ZNF638: variants seen among roughly 807,000 people sequenced by gnomAD.
The protein encoded by ZNF638 is zinc finger protein 638.
In ZNF638, 46 loss-of-function variants were observed where a neutral mutation model predicts 195.6. That is an observed-to-expected ratio of 0.24 (90% CI 0.19 to 0.30). ZNF638 has a LOEUF of 0.30. ZNF638 is among the 10% of genes least tolerant of loss of function. The pLI, the probability that ZNF638 is intolerant of heterozygous loss-of-function variation, is 1.00. For missense variants in ZNF638, 2,440 were observed against 2,325.3 expected, an observed-to-expected ratio of 1.05 and a Z score of -1.01; for synonymous variants, 845 against 772.0, an observed-to-expected ratio of 1.09 and a Z score of -1.57.
intron 23 of ZNF638, among the ~76,000 whole-genome samples, chr2:71,425,680 T>C (rs1209251394): frequency 6.6e-6 from 1 of 152,134 alleles, no homozygotes; most frequent in Non-Finnish European, 1.5e-5. Flanking sequence ...ATTATTATTA[T>C]TATTTTGCAA....
chr2:71,389,616 A>G (rs1272205612), intron 10 of ZNF638, among the ~76,000 whole-genome samples: 1 of 152,164 alleles, frequency 6.6e-6, no homozygotes. Flanking sequence ...TCCAACAACA[A>G]TTAAGTTTTG....
chr2:71,408,670 G>A (rs949779017), intron 20 of ZNF638: 5 of 386,588 alleles, frequency 1.3e-5, no homozygotes, highest in African/African-American at 2.2e-5. Context: ...CAGGTTCTTG[G>A]CCTACACAGT....
chr2:71,379,451 T>C (rs1256847312), intron 8 of ZNF638: 4 of 152,240 alleles, frequency 2.6e-5, no homozygotes, highest in Admixed American at 2.6e-4. Flanking sequence ...TGCCCACTAG[T>C]CACTTAATAG....
rs1175889029 is a variant in ZNF638, at chr2:71,349,193, C to G, written c.239C>G (p.Pro80Arg). 9.9e-6 allele frequency: 16 copies of G among 1,614,120 alleles called. No individual in the cohort carries two copies. The highest frequency in any genetic ancestry group is 1.4e-5 in the Non-Finnish European group (16 of 1,180,034). Residue 80 changes from proline (P) to arginine (R), a missense_variant, in exon 2 of 28, where the codon CCA becomes CGA. By Grantham distance (103) the Pro-to-Arg change is moderately radical. Coordinates refer to ENST00000264447, the MANE Select transcript of ZNF638 (RefSeq NM_014497.5). ...CAGGTAACTCAACACAGAACTGATCCAAGATTGACCAAAGAAAAACTGGAT... is the reference window on the plus strand; with the variant it reads ...CAGGTAACTCAACACAGAACTGATCGAAGATTGACCAAAGAAAAACTGGAT... ...NVQVTQHRTD[P>R]RLTKEKLDFH...
chr2:71,359,748 T>A (rs2079078433), intron 3 of ZNF638, among the ~76,000 whole-genome samples: 1 of 152,234 alleles, frequency 6.6e-6, no homozygotes, highest in South Asian at 2.1e-4. Flanking sequence ...CATTCTTTAT[T>A]CTTTTAAGCT....
chr2:71,352,357 A>G (rs1018909416), intron 2 of ZNF638, among the ~76,000 whole-genome samples: 1 of 151,988 alleles, frequency 6.6e-6, no homozygotes, highest in Non-Finnish European at 1.5e-5. Context: ...GCGCACCTGT[A>G]ATTCCAGCTA....
rs951858267 is a variant in ZNF638 at position 71,423,907 on chromosome 2, A to G, written c.4393A>G (p.Arg1465Gly). Residue 1465 changes from arginine (R) to glycine (G), a missense_variant, in exon 22 of 28, where the codon AGA becomes GGA. Transcript: ENST00000264447. ...KFKPTQSSLT[R>G]GGSGRISALQ... ...CAAACCTACTCAGAGCAGTCTTACC[A>G]GAGGAGGCAGTGGAAGGATCTCAGC... The G allele has an allele frequency of 1.9e-6, 3 of 1,613,936 alleles. No individual in the cohort carries two copies. In the African/African-American group the frequency reaches 4.0e-5, roughly 22 times the overall value.
intron 3 of ZNF638, among the ~76,000 whole-genome samples, chr2:71,356,387 C>T (rs1372346136): frequency 1.3e-5 from 2 of 152,190 alleles, no homozygotes; most frequent in African/African-American, 2.4e-5. Flanking sequence ...TCAAATTAAA[C>T]TCTGTCTTCC....
At chr2:71,331,927 T>C (rs180917390) in intron 1 of ZNF638, 52 bp downstream of exon 1, 1 of 985,900 alleles carries the variant, frequency 1.0e-6, no homozygotes, top group Non-Finnish European at 1.2e-6. Flanking sequence ...GAGGCCGGTA[T>C]CGTGGGGGTC....
rs150366630 is a variant in ZNF638 at position 71,336,544 on chromosome 2, A to G, written c.-203+4669A>G. On this transcript the variant is annotated intron_variant, in intron 1 of 27. Transcript: ENST00000264447. ...GTCTTACTAAAAGAAAGAAACACCTATTAAGCATTTTGTTTACTGTTGAGC... is the reference window on the plus strand; with the variant it reads ...GTCTTACTAAAAGAAAGAAACACCTGTTAAGCATTTTGTTTACTGTTGAGC... Among the ~76,000 whole-genome samples the G allele has an allele frequency of 6.4e-3, 980 of 152,356 alleles. 35 individuals are homozygous for G. The highest frequency in any genetic ancestry group is 0.059 in the Admixed American group (899 of 15,310).
At chr2:71,345,335 C>G (rs189526691) in intron 1 of ZNF638, among the ~76,000 whole-genome samples, 4 of 152,174 alleles carry the variant, frequency 2.6e-5, no homozygotes, top group Non-Finnish European at 5.9e-5. Flanking sequence ...CAACATAATG[C>G]TTACTTTTTT....
chr2:71,405,677 T>C lies in ZNF638; in HGVS notation c.3000+35T>C, dbSNP rs755227398. ...GCATTTAAATGCTTTTGTATACTTA[T>C]TTAATTGATGGAAACATTGTTTTAC... On this transcript the variant is annotated intron_variant, in intron 18 of 27. Transcript: ENST00000264447. 18 of 1,377,418 alleles carry C rather than the reference T, an allele frequency of 1.3e-5. No homozygotes were observed. The Admixed American group carries it at 2.0e-4, about 15-fold the overall frequency. The allele number at this position is 1,377,418 out of a possible 1,614,324, so 85.3% of individuals were successfully genotyped here. A position where few individuals can be genotyped will look rare whatever the true frequency, so the allele number is the denominator to read the frequency against.
At position 71,364,187 on chromosome 2, in the gene ZNF638, G is replaced by C; in HGVS notation, c.1652G>C (p.Gly551Ala). 1.2e-6 allele frequency: 2 copies of C among 1,614,166 alleles called. No homozygotes were observed. The highest frequency in any genetic ancestry group is 1.7e-6 in the Non-Finnish European group (2 of 1,180,032). The change falls in exon 5 of 28, where the codon GGT becomes GCT. Residue 551 changes from glycine to alanine, a missense_variant. Gly to Ala is a moderately conservative substitution (Grantham distance 60, BLOSUM62 0). This residue lies in a region of ZNF638 where 1,883 missense variants were observed against 1,739.1 expected (regional missense o/e 1.08). Coordinates refer to ENST00000264447, the MANE Select transcript of ZNF638 (RefSeq NM_014497.5). ...SPYRIRNPFR[G>A]SPKCFRSVSP... is the part of the protein sequence containing the mutation. Reference sequence around the variant, plus strand: ...TATCGAATTAGAAATCCATTTAGAGGTAGTCCAAAATGCTTTCGATCAGTT... The same window carrying C: ...TATCGAATTAGAAATCCATTTAGAGCTAGTCCAAAATGCTTTCGATCAGTT...
At chr2:71,403,179 T>C (rs1240722716) in intron 16 of ZNF638, among the ~76,000 whole-genome samples, 1 of 152,164 alleles carries the variant, frequency 6.6e-6, no homozygotes, top group Non-Finnish European at 1.5e-5. Flanking sequence ...TAAGAGTATT[T>C]GTTTAAAAAA....
At chr2:71,420,013 GAA>G (rs1160189100) in intron 21 of ZNF638, among the ~76,000 whole-genome samples, 1 of 95,466 alleles carries the variant, frequency 1.0e-5, no homozygotes, top group African/African-American at 4.4e-5. Context: ...TAACATTAGA[GAA>G]AAAGATGTGG....
At chr2:71,332,658 G>A (rs1221139309) in intron 1 of ZNF638, among the ~76,000 whole-genome samples, 1 of 152,216 alleles carries the variant, frequency 6.6e-6, no homozygotes, top group African/African-American at 2.4e-5. Flanking sequence ...CTTAAAGGAA[G>A]GGGGAATGTA....
chr2:71,406,048 T>G (rs1444929047), intron 18 of ZNF638, 80 bp from the exon 19 acceptor site: 1 of 1,519,466 alleles, frequency 6.6e-7, no homozygotes, highest in East Asian at 2.3e-5. Context: ...ACCTCTGTAA[T>G]AGTAAGTTAA....
intron 21 of ZNF638, among the ~76,000 whole-genome samples, chr2:71,419,974 C>CCCTTTTTTT (rs1189202093): frequency 1.1e-4 from 3 of 27,022 alleles, no homozygotes; most frequent in East Asian, 4.5e-3. Flanking sequence ...CCCCCCCCGC[C>CCCTTTTTTT]TTTTTTTTTT....
intron 3 of ZNF638, among the ~76,000 whole-genome samples, chr2:71,358,397 C>T (rs1246373602): frequency 6.6e-6 from 1 of 152,312 alleles, no homozygotes; most frequent in East Asian, 1.9e-4. Flanking sequence ...CCAAATCGCT[C>T]TCTCGTCTGG....
Sources: allele counts gnomAD v4.1 joint callset (sites outside exome capture counted in the v4.1 genomes callset), GRCh38; gene constraint gnomAD v4.1.1; regional missense constraint gnomAD v4.1.1; transcripts MANE v1.5; gene names NCBI Gene and HGNC (gene_info 2026-07-23, HGNC 2026-07-21).